The following SPEM2 variants were observed in gnomAD, a reference collection of about 807,000 sequenced individuals.
SPEM2 encodes SPEM family member 2.
In SPEM2, 15 loss-of-function variants were observed where a neutral mutation model predicts 9.3. That is an observed-to-expected ratio of 1.62 (90% CI 1.08 to 2.50). The LOEUF is 2.50. SPEM2 is among the 30% of genes most tolerant of loss of function. SPEM2 has a pLI of 0.00. For synonymous variants in SPEM2, 268 were observed against 272.4 expected, an observed-to-expected ratio of 0.98 and a Z score of 0.16; for missense variants, 678 against 690.0, an observed-to-expected ratio of 0.98 and a Z score of 0.19.
In SPEM2 at chr17:7,425,681, C is replaced by A; in HGVS notation, c.-8C>A. On this transcript the variant is annotated 5_prime_UTR_variant, in exon 1 of 3. Transcript: ENST00000333870. ...GGGTGGCCCAGGTGGCCCTAGGACC[C>A]CCCCTCCATGGAAAACCAGCTATGG... The A allele has an allele frequency of 5.0e-6, 8 of 1,613,170 alleles. No homozygotes were observed. The highest frequency in any genetic ancestry group is 6.8e-6 in the Non-Finnish European group (8 of 1,179,438).
chr17:7,426,802 G>T lies in SPEM2; in HGVS notation c.811G>T (p.Val271Leu), dbSNP rs747327543. ...HGSQSRLWGN[V>L]EAEQWASSPP... The stretch of plus-strand genomic sequence containing the variant: ...TTCCCAATCCCGACTGTGGGGCAAT[G>T]TGGAGGCTGAGCAGTGGGCCTCGTC... The change falls in exon 3 of 3, where the codon GTG becomes TTG. Residue 271 changes from valine to leucine, a missense_variant. Val to Leu is a conservative substitution (Grantham distance 32). Coordinates refer to ENST00000333870, the MANE Select transcript of SPEM2 (RefSeq NM_175734.5). The surrounding 1 kb of genome is among the most constrained non-coding windows in gnomAD (Gnocchi z 5.3). 3 of 1,605,436 alleles carry T rather than the reference G, an allele frequency of 1.9e-6. No homozygotes were observed. The highest frequency in any genetic ancestry group is 1.7e-6 in the Non-Finnish European group (2 of 1,175,078).
chr17:7,425,922 T>A, intron 1 of SPEM2, 71 bp from the exon 2 acceptor site: 1 of 1,592,632 alleles, frequency 6.3e-7, no homozygotes, highest in Non-Finnish European at 8.6e-7. Flanking sequence ...CGGTCTAGAT[T>A]GGGGCGGGGG....
At position 7,427,069 on chromosome 17, in the gene SPEM2, T is replaced by C; in HGVS notation, c.1078T>C (p.Ser360Pro). The C allele has an allele frequency of 6.2e-7, 1 of 1,612,962 alleles. No homozygotes were observed. Among genetic ancestry groups the C allele is most frequent in the Non-Finnish European group, 8.5e-7 (1 of 1,179,874 alleles). Residue 360 changes from serine to proline, a missense_variant, in exon 3 of 3, where the codon TCC (serine) becomes CCC (proline). Ser to Pro is a moderately conservative substitution (Grantham distance 74). Transcript: ENST00000333870. The surrounding 1 kb of genome is among the most constrained non-coding windows in gnomAD (Gnocchi z 5.4). ...QSLLGHAYGQ[S>P]HRSPHPSTEP... ...CCTGCTTGGTCACGCCTATGGCCAG[T>C]CCCACCGCAGTCCCCACCCATCCAC...
rs115375487 is a variant in SPEM2 at position 7,425,927 on chromosome 17, C to T, written c.139-66C>T. 4,070 of 1,558,256 alleles carry T rather than the reference C, an allele frequency of 2.6e-3. 62 individuals carry two copies. The African/African-American group carries it at 0.044, about 17-fold the overall frequency. On this transcript the variant is annotated intron_variant, in intron 1 of 2. Transcript: ENST00000333870. ...CCTGCAGGTGCGGTCTAGATTGGGG[C>T]GGGGGCAGGGGTGGTGGTGCTGGGC...
chr17:7,425,972 C>G, intron 1 of SPEM2, 21 bp from the exon 2 acceptor site: 1 of 1,614,110 alleles, frequency 6.2e-7, no homozygotes, highest in Non-Finnish European at 8.5e-7. Flanking sequence ...CTGGCCTTCA[C>G]TCTCTTCCAC....
At position 7,426,410 on chromosome 17, in the gene SPEM2, A is replaced by G. The variant is rs780557961; in HGVS notation, c.419A>G (p.Asn140Ser). The G allele has an allele frequency of 4.3e-6, 7 of 1,613,616 alleles. No individual in the cohort carries two copies. The South Asian group carries it at 4.4e-5, about 10-fold the overall frequency. Residue 140 changes from asparagine to serine, a missense_variant, in exon 3 of 3, where the codon AAC becomes AGC. Physicochemically the swap from Asn to Ser is conservative, Grantham distance 46. Transcript: ENST00000333870. The surrounding 1 kb of genome is among the most constrained non-coding windows in gnomAD (Gnocchi z 5.3). ...RHRRCRRRCC[N>S]HQQRPQNYRQ... ...CGCCGTTGTCGCCGTCGCTGCTGCA[A>G]CCACCAGCAGCGGCCGCAGAACTAC...
In SPEM2 at chr17:7,426,760, T is replaced by C. The variant is rs776063802; in HGVS notation, c.769T>C (p.Ser257Pro). ...VEARSELRLQSYGRHGSQSRL... is the reference protein window; with the variant it reads ...VEARSELRLQPYGRHGSQSRL... Reference sequence around the variant, plus strand: ...GGCCAGGTCTGAGCTGAGGCTGCAGTCCTATGGGCGCCACGGTTCCCAATC... The same window carrying C: ...GGCCAGGTCTGAGCTGAGGCTGCAGCCCTATGGGCGCCACGGTTCCCAATC... The change falls in exon 3 of 3, where the codon TCC (serine) becomes CCC (proline). Residue 257 changes from serine (S) to proline (P), a missense_variant. Ser to Pro is a moderately conservative substitution (Grantham distance 74, BLOSUM62 -1). Coordinates refer to ENST00000333870, the MANE Select transcript of SPEM2 (RefSeq NM_175734.5). This position sits in a 1 kb window ranked among gnomAD's most constrained non-coding sequence, Gnocchi z 5.3. 6.2e-7 allele frequency: 1 copy of C among 1,605,030 alleles called. No homozygotes were observed. Among genetic ancestry groups the C allele is most frequent in the East Asian group, 2.2e-5 (1 of 44,766 alleles).
Position 7,426,240 on chromosome 17 carries a change from G to A in SPEM2, c.249G>A (p.Gln83=). The stretch of plus-strand genomic sequence containing the variant: ...CAAGTGGTCCCCCAGACAAGGCTCA[G>A]GATGTCCACATCCACTGCATCCTGG... ...SPPSGPPDKA[Q]DVHIHCILDP... The change falls in exon 3 of 3, where the codon CAG becomes CAA. Residue 83 remains glutamine (Q), a synonymous_variant. Transcript: ENST00000333870. This position sits in a 1 kb window ranked among gnomAD's most constrained non-coding sequence, Gnocchi z 5.3. The A allele has an allele frequency of 6.2e-7, 1 of 1,614,132 alleles. No homozygotes were observed. Among genetic ancestry groups the A allele is most frequent in the Non-Finnish European group, 8.5e-7 (1 of 1,180,024 alleles).
rs754883625 is a variant in SPEM2, at chr17:7,425,732, A to G, written c.44A>G (p.Gln15Arg). ...CATAACACCGTGAGATGTTGCAATC[A>G]ATACCAAGAAAGCCCCCACGATGCC... ...LWHNTVRCCN[Q>R]YQESPHDAED... is the part of the protein sequence containing the mutation. The change falls in exon 1 of 3, where the codon CAA becomes CGA. Residue 15 changes from glutamine (Q) to arginine (R), a missense_variant. Coordinates refer to ENST00000333870, the MANE Select transcript of SPEM2 (RefSeq NM_175734.5). 10 of 1,614,052 alleles carry G rather than the reference A, an allele frequency of 6.2e-6. No homozygotes were observed. The highest frequency in any genetic ancestry group is 3.3e-4 in the Middle Eastern group (2 of 6,084).
Position 7,426,931 on chromosome 17 carries a change from C to CG in SPEM2, c.942dup (p.Arg315AlafsTer8). The CG allele has an allele frequency of 6.2e-7, 1 of 1,613,038 alleles. No individual in the cohort carries two copies. Among genetic ancestry groups the CG allele is most frequent in the Non-Finnish European group, 8.5e-7 (1 of 1,179,948 alleles). ...GATGCTGTATGACTCCTGGGATCAG[C>CG]GGCGTCGTGGCACGGAGGGCTTTGA... On this transcript the variant is annotated frameshift_variant, in exon 3 of 3. Transcript: ENST00000333870. LOFTEE classifies it low-confidence loss of function (END_TRUNC). This position sits in a 1 kb window ranked among gnomAD's most constrained non-coding sequence, Gnocchi z 5.3.
Position 7,425,706 on chromosome 17 carries a change from G to A in SPEM2, c.18G>A (p.Trp6Ter). Residue 6 changes from tryptophan (W) to a stop codon, truncating the protein, a stop_gained, in exon 1 of 3, where the codon TGG becomes TGA. Transcript: ENST00000333870. LOFTEE classifies it high-confidence loss of function. MENQL[W>*]HNTVRCCNQY... ...CCCCCTCCATGGAAAACCAGCTATG[G>A]CATAACACCGTGAGATGTTGCAATC... 2 of 1,614,090 alleles carry A rather than the reference G, an allele frequency of 1.2e-6. No homozygotes were observed. The highest frequency in any genetic ancestry group is 2.2e-5 in the South Asian group (2 of 91,090).
Position 7,427,354 on chromosome 17 carries a change from A to G in SPEM2, c.1363A>G (p.Asn455Asp). 6.2e-7 allele frequency: 1 copy of G among 1,614,094 alleles called. No individual in the cohort carries two copies. Among genetic ancestry groups the G allele is most frequent in the Non-Finnish European group, 8.5e-7 (1 of 1,180,016 alleles). ...FVPLSRNPGGNANYQVYDSLE... is the reference protein window; with the variant it reads ...FVPLSRNPGGDANYQVYDSLE... ...CCCACTCAGCCGGAATCCAGGGGGC[A>G]ATGCCAACTACCAGGTGTACGACAG... is the stretch of plus-strand genomic sequence containing the variant. Residue 455 changes from asparagine to aspartate, a missense_variant, in exon 3 of 3, where the codon AAT becomes GAT. Asn to Asp is a conservative substitution (Grantham distance 23, BLOSUM62 1). Coordinates refer to ENST00000333870, the MANE Select transcript of SPEM2 (RefSeq NM_175734.5). This position sits in a 1 kb window ranked among gnomAD's most constrained non-coding sequence, Gnocchi z 5.4.
chr17:7,426,147 C>G lies in SPEM2; in HGVS notation c.197-41C>G, dbSNP rs755224918. 3.7e-6 allele frequency: 6 copies of G among 1,613,672 alleles called. No individual in the cohort carries two copies. Among genetic ancestry groups the G allele is most frequent in the Non-Finnish European group, 5.1e-6 (6 of 1,179,774 alleles). Reference sequence around the variant, plus strand: ...CCAGTGTTCCCAACCTTGAGCTCTTCTGACAATTGCCCTGACTTCATGGAC... The same window carrying G: ...CCAGTGTTCCCAACCTTGAGCTCTTGTGACAATTGCCCTGACTTCATGGAC... On this transcript the variant is annotated intron_variant, in intron 2 of 2. Coordinates refer to ENST00000333870, the MANE Select transcript of SPEM2 (RefSeq NM_175734.5). The surrounding 1 kb of genome is among the most constrained non-coding windows in gnomAD (Gnocchi z 5.3).
chr17:7,425,867 C>T lies in SPEM2; in HGVS notation c.138+41C>T, dbSNP rs997201600. ...GGACTACCTCTGGGGGTGAACAGGG[C>T]CAAGGGTGGGAGCCAGCTGCAGCCT... On this transcript the variant is annotated intron_variant, in intron 1 of 2. Coordinates refer to ENST00000333870, the MANE Select transcript of SPEM2 (RefSeq NM_175734.5). 2.5e-6 allele frequency: 4 copies of T among 1,612,970 alleles called. No individual in the cohort carries two copies. In the African/African-American group the frequency reaches 4.0e-5, roughly 16 times the overall value.
chr17:7,427,209 G>A lies in SPEM2; in HGVS notation c.1218G>A (p.Val406=). 1 of 1,614,194 alleles carries A rather than the reference G, an allele frequency of 6.2e-7. No individual in the cohort carries two copies. Among genetic ancestry groups the A allele is most frequent in the Non-Finnish European group, 8.5e-7 (1 of 1,180,022 alleles). The change falls in exon 3 of 3, where the codon GTG becomes GTA. Residue 406 remains valine, a synonymous_variant. Coordinates refer to ENST00000333870, the MANE Select transcript of SPEM2 (RefSeq NM_175734.5). The surrounding 1 kb of genome is among the most constrained non-coding windows in gnomAD (Gnocchi z 5.4). ...TGACTACCTCTGCCTCCCTCACGGT[G>A]TTGGACGAGGCCTCCCATCAACGGA... ...RPLTTSASLT[V]LDEASHQRTP...
Position 7,426,060 on chromosome 17 carries a change from G to T in SPEM2, c.196+10G>T. On this transcript the variant is annotated intron_variant, in intron 2 of 2. Transcript: ENST00000333870. This position sits in a 1 kb window ranked among gnomAD's most constrained non-coding sequence, Gnocchi z 5.3. ...TGGGCTACTCAGAAAAGTAAGTGTG[G>T]CTGCTGGAGAGGTAGGGGACCCCCA... 8 of 1,614,188 alleles carry T rather than the reference G, an allele frequency of 5.0e-6. No individual in the cohort carries two copies. Among genetic ancestry groups the T allele is most frequent in the Non-Finnish European group, 6.8e-6 (8 of 1,180,032 alleles).
Position 7,427,095 on chromosome 17 carries a change from G to C in SPEM2, c.1104G>C (p.Thr368=). Residue 368 remains threonine, a synonymous_variant, in exon 3 of 3, where the codon ACG becomes ACC. Coordinates refer to ENST00000333870, the MANE Select transcript of SPEM2 (RefSeq NM_175734.5). This position sits in a 1 kb window ranked among gnomAD's most constrained non-coding sequence, Gnocchi z 5.4. ...CCCACCGCAGTCCCCACCCATCCAC[G>C]GAACCCTTGGGCTACAGCTCCCAGG... ...GQSHRSPHPS[T]EPLGYSSQDP... is the part of the protein sequence containing the mutation. The C allele has an allele frequency of 1.2e-6, 2 of 1,613,500 alleles. No individual in the cohort carries two copies. Among genetic ancestry groups the C allele is most frequent in the Non-Finnish European group, 1.7e-6 (2 of 1,179,862 alleles).
At position 7,426,482 on chromosome 17, in the gene SPEM2, G is replaced by A. The variant is rs2150824766; in HGVS notation, c.491G>A (p.Ser164Asn). The A allele has an allele frequency of 6.2e-7, 1 of 1,613,916 alleles. No homozygotes were observed. The highest frequency in any genetic ancestry group is 2.2e-5 in the East Asian group (1 of 44,882). The change falls in exon 3 of 3, where the codon AGC becomes AAC. Residue 164 changes from serine (S) to asparagine (N), a missense_variant. Ser to Asn is a conservative substitution (Grantham distance 46, BLOSUM62 1). Coordinates refer to ENST00000333870, the MANE Select transcript of SPEM2 (RefSeq NM_175734.5). This position sits in a 1 kb window ranked among gnomAD's most constrained non-coding sequence, Gnocchi z 5.3. Reference sequence around the variant, plus strand: ...TCAGTCTTCCGTAACCCACATCGCAGCCAAAAGATGTCACAACTACACCGA... The same window carrying A: ...TCAGTCTTCCGTAACCCACATCGCAACCAAAAGATGTCACAACTACACCGA... ...SHSVFRNPHRSQKMSQLHRVP... is the reference protein window; with the variant it reads ...SHSVFRNPHRNQKMSQLHRVP...
In SPEM2 at chr17:7,426,507, A is replaced by T. The variant is rs202160289; in HGVS notation, c.516A>T (p.Arg172=). The T allele has an allele frequency of 1.4e-4, 220 of 1,613,948 alleles. No individual in the cohort carries two copies. The highest frequency in any genetic ancestry group is 1.7e-4 in the Non-Finnish European group (197 of 1,180,044). ...HRSQKMSQLH[R]VPFFDQEDPD... ...GCCAAAAGATGTCACAACTACACCG[A>T]GTGCCTTTCTTTGATCAGGAGGACC... The change falls in exon 3 of 3, where the codon CGA becomes CGT. Residue 172 remains arginine, a synonymous_variant. Transcript: ENST00000333870. The surrounding 1 kb of genome is among the most constrained non-coding windows in gnomAD (Gnocchi z 5.3).
Sources: allele counts gnomAD v4.1 joint callset, GRCh38; gene constraint gnomAD v4.1.1; non-coding constraint Gnocchi (gnomAD v3.1); transcripts MANE v1.5; gene names NCBI Gene and HGNC (gene_info 2026-07-23, HGNC 2026-07-21).